The following BMPR1A variants were observed in gnomAD, a reference collection of about 807,000 sequenced individuals.
BMPR1A encodes bone morphogenetic protein receptor type 1A.
A neutral mutation model predicts 66.0 loss-of-function variants in BMPR1A; 7 were observed. That is an observed-to-expected ratio of 0.11 (90% CI 0.06 to 0.20). BMPR1A has a LOEUF of 0.20. Ranked by LOEUF, BMPR1A falls within the 10% of genes least tolerant of loss-of-function variation. BMPR1A has a pLI of 1.00. For synonymous variants in BMPR1A, 200 were observed against 229.7 expected (o/e 0.87, Z 1.17); for missense variants, 408 against 669.1 (o/e 0.61, Z 4.31).
rs1358283345 is a variant in BMPR1A, at chr10:86,790,185, AAAAATATATATATATATATATATATATAT to A, written c.-268+33268_-268+33296del. Among the ~76,000 whole-genome samples, 5 of 33,998 alleles carry A rather than the reference AAAAATATATATATATATATATATATATAT, an allele frequency of 1.5e-4. 1 individual carries two copies. The highest frequency in any genetic ancestry group is 2.4e-4 in the African/African-American group (1 of 4,196). 22.3% of individuals were successfully genotyped at this position (33,998 alleles called of 152,430 possible). A position where few individuals can be genotyped will look rare whatever the true frequency, so the allele number is the denominator to read the frequency against. On this transcript the variant is annotated intron_variant, in intron 1 of 12. Coordinates refer to ENST00000372037, the MANE Select transcript of BMPR1A (RefSeq NM_004329.3). ...TCCAAAAAAAAAAAAAAAAAAAAAA[AAAAATATATATATATATATATATATATAT>A]ATATATATATATATATATATATCAA...
At chr10:86,760,304 A>AGT (rs1841029560) in intron 1 of BMPR1A, among the ~76,000 whole-genome samples, 1 of 118,328 alleles carries the variant, frequency 8.5e-6, no homozygotes, top group African/African-American at 3.4e-5. Context: ...CCTGGGCTGG[A>AGT]GTGCAATGGC....
intron 1 of BMPR1A, among the ~76,000 whole-genome samples, chr10:86,773,128 CT>C (rs1554876952): frequency 0.029 from 3,238 of 113,150 alleles, 75 homozygotes; most frequent in South Asian, 0.12. Context: ...TTCTAGTTAT[CT>C]TTTTTTTTTT....
In BMPR1A at chr10:86,892,314, T is replaced by C. The variant is rs1385929655; in HGVS notation, c.333+85T>C. The C allele has an allele frequency of 3.9e-6, 4 of 1,023,058 alleles. No homozygotes were observed. In the African/African-American group the frequency reaches 4.8e-5, roughly 12 times the overall value. 63.4% of individuals were successfully genotyped at this position (1,023,058 alleles called of 1,614,324 possible). On this transcript the variant is annotated intron_variant, in intron 5 of 12. Coordinates refer to ENST00000372037, the MANE Select transcript of BMPR1A (RefSeq NM_004329.3). ...TTTCCCCCAGGAGAAACATGCCTGG[T>C]GTACACATCGCTGTATGTTCACATC...
intron 1 of BMPR1A, among the ~76,000 whole-genome samples, chr10:86,760,222 TTTTTTCTTTCTTTCTTTCTTTCTTTC>T (rs1841023738): frequency 7.9e-6 from 1 of 126,722 alleles, no homozygotes; most frequent in Non-Finnish European, 1.6e-5. Flanking sequence ...TACCTTATTG[TTTTTTCTTTCTTTCTTTCTTTCTTTC>T]TTTTTTTTTT....
chr10:86,914,861 T>C (rs1186182355), intron 8 of BMPR1A, among the ~76,000 whole-genome samples: 2 of 152,236 alleles, frequency 1.3e-5, no homozygotes, highest in Non-Finnish European at 2.9e-5. Context: ...GCTAATTATT[T>C]ACCCAAGAGA....
At chr10:86,889,751 T>C in intron 3 of BMPR1A, 1 of 281,500 alleles carries the variant, frequency 3.6e-6, no homozygotes, top group Non-Finnish European at 6.8e-6. Context: ...TAAAAAATTT[T>C]TAAGTTATTT....
chr10:86,860,495 C>T (rs552157299), intron 2 of BMPR1A, among the ~76,000 whole-genome samples: 1 of 152,028 alleles, frequency 6.6e-6, no homozygotes, highest in African/African-American at 2.4e-5. Flanking sequence ...CGGGGCTGGG[C>T]GCCATGACTC....
intron 2 of BMPR1A, among the ~76,000 whole-genome samples, chr10:86,839,761 G>A (rs977158126): frequency 2.0e-5 from 3 of 151,522 alleles, no homozygotes; most frequent in African/African-American, 7.3e-5. Context: ...GGGCTCAAGC[G>A]ATCCTTCTGC....
At chr10:86,784,313 G>C (rs888427579) in intron 1 of BMPR1A, among the ~76,000 whole-genome samples, 4 of 152,066 alleles carry the variant, frequency 2.6e-5, no homozygotes, top group African/African-American at 9.7e-5. Flanking sequence ...ATCATGAAAG[G>C]TGTTGAATTT....
At chr10:86,844,200 A>G (rs768334430) in intron 2 of BMPR1A, among the ~76,000 whole-genome samples, 3 of 152,220 alleles carry the variant, frequency 2.0e-5, no homozygotes, top group Non-Finnish European at 2.9e-5. Context: ...AACATATTCA[A>G]AGGGAGATTT....
intron 1 of BMPR1A, among the ~76,000 whole-genome samples, chr10:86,805,220 A>C (rs936602392): frequency 8.5e-5 from 13 of 152,122 alleles, no homozygotes; most frequent in Non-Finnish European, 4.4e-5. Context: ...ATATGAATTT[A>C]ATTCATTTTT....
At chr10:86,896,320 A>G (rs1442305158) in intron 5 of BMPR1A, among the ~76,000 whole-genome samples, 1 of 152,166 alleles carries the variant, frequency 6.6e-6, no homozygotes, top group Non-Finnish European at 1.5e-5. Context: ...GCCCTTTCCA[A>G]TAACATTTTC....
intron 2 of BMPR1A, among the ~76,000 whole-genome samples, chr10:86,868,641 C>T (rs775484583): frequency 1.3e-5 from 2 of 152,172 alleles, no homozygotes; most frequent in Non-Finnish European, 2.9e-5. Context: ...ATGGAATTGG[C>T]TGCTGGCCAG....
At chr10:86,779,069 A>G (rs947996951) in intron 1 of BMPR1A, among the ~76,000 whole-genome samples, 8 of 151,836 alleles carry the variant, frequency 5.3e-5, no homozygotes, top group African/African-American at 1.7e-4. Context: ...TACTCAGCCC[A>G]GATTTTATTT....
At chr10:86,872,152 G>A (rs946643344) in intron 2 of BMPR1A, among the ~76,000 whole-genome samples, 3 of 152,194 alleles carry the variant, frequency 2.0e-5, no homozygotes, top group South Asian at 2.1e-4. Context: ...CTCCATACAA[G>A]TTATCACAGC....
intron 1 of BMPR1A, among the ~76,000 whole-genome samples, chr10:86,825,632 A>G (rs754756056): frequency 1.5e-4 from 23 of 152,178 alleles, no homozygotes; most frequent in Middle Eastern, 6.8e-3. Context: ...ACGTGCCACC[A>G]TACTTGGCTA....
intron 1 of BMPR1A, among the ~76,000 whole-genome samples, chr10:86,800,041 A>G (rs899111308): frequency 3.9e-5 from 6 of 152,182 alleles, no homozygotes; most frequent in Non-Finnish European, 8.8e-5. Context: ...TCTTTAACAT[A>G]CAGGTTGCAA....
intron 11 of BMPR1A, among the ~76,000 whole-genome samples, 183 bp downstream of exon 11, chr10:86,921,878 A>T (rs1321779462): frequency 1.3e-5 from 2 of 152,182 alleles, no homozygotes; most frequent in Non-Finnish European, 2.9e-5. Context: ...GGAGAATTGG[A>T]TATCTGTCCC....
At chr10:86,896,965 C>T (rs537176655) in intron 5 of BMPR1A, among the ~76,000 whole-genome samples, 3 of 152,212 alleles carry the variant, frequency 2.0e-5, no homozygotes, top group African/African-American at 2.4e-5. Flanking sequence ...ACCCTTTCCC[C>T]AGTGTCTTCA....
Sources: gnomAD v4.1 joint callset for allele counts (sites outside exome capture counted in the v4.1 genomes callset) on GRCh38, gnomAD v4.1.1 for gene constraint, MANE v1.5 for transcripts, NCBI Gene and HGNC (gene_info 2026-07-23, HGNC 2026-07-21) for gene names.